UBE2E3: variants seen among roughly 807,000 people sequenced by gnomAD.
UBE2E3 encodes ubiquitin-conjugating enzyme E2 E3.
Under a neutral mutation model 23.6 loss-of-function variants are expected in UBE2E3, and 5 were observed. That is an observed-to-expected ratio of 0.21 (90% CI 0.11 to 0.44). The LOEUF is 0.44. UBE2E3 is among the 20% of genes least tolerant of loss of function. The probability of loss-of-function intolerance (pLI) is 0.99; values close to 1 mark genes in which losing one functional copy is unlikely to be tolerated. For missense variants in UBE2E3, 81 were observed against 249.8 expected (o/e 0.32, Z 4.55); for synonymous variants, 78 against 87.5 (o/e 0.89, Z 0.60).
intron 3 of UBE2E3, among the ~76,000 whole-genome samples, chr2:181,000,211 A>G (rs1177184668): frequency 6.6e-6 from 1 of 152,202 alleles, no homozygotes; most frequent in African/African-American, 2.4e-5. Context: ...ACACCTCTTT[A>G]AAAAATCTAT....
At chr2:181,000,510 C>G (rs1234046584) in intron 3 of UBE2E3, among the ~76,000 whole-genome samples, 1 of 151,790 alleles carries the variant, frequency 6.6e-6, no homozygotes, top group Admixed American at 6.6e-5. Flanking sequence ...ATGGTATCCC[C>G]TGAGTTGTAT....
intron 3 of UBE2E3, among the ~76,000 whole-genome samples, chr2:181,040,551 T>TA (rs1365559399): frequency 6.6e-6 from 1 of 152,220 alleles, no homozygotes; most frequent in Non-Finnish European, 1.5e-5. Flanking sequence ...TGCTTTGAGA[T>TA]ATATAAAAGA....
At chr2:181,012,940 C>T in intron 3 of UBE2E3, among the ~76,000 whole-genome samples, 1 of 152,252 alleles carries the variant, frequency 6.6e-6, no homozygotes, top group Non-Finnish European at 1.5e-5. Flanking sequence ...AAAGTCAGGC[C>T]TTGTCCACTC....
At chr2:180,996,054 A>G (rs373802159) in intron 3 of UBE2E3, among the ~76,000 whole-genome samples, 2 of 151,990 alleles carry the variant, frequency 1.3e-5, no homozygotes, top group African/African-American at 4.8e-5. Context: ...TTGTATTTCA[A>G]CCCATTGTAG....
intron 4 of UBE2E3, among the ~76,000 whole-genome samples, chr2:181,059,800 C>G (rs968715935): frequency 1.3e-5 from 2 of 151,682 alleles, no homozygotes; most frequent in Non-Finnish European, 3.0e-5. Flanking sequence ...CCCTCCCTGT[C>G]ATGCATTCTT....
chr2:181,049,224 T>TA (rs1159201881), intron 3 of UBE2E3, among the ~76,000 whole-genome samples: 1 of 152,070 alleles, frequency 6.6e-6, no homozygotes, highest in Admixed American at 6.6e-5. Context: ...AATGTGAATA[T>TA]AAAAAACAAG....
chr2:181,006,410 G>C (rs888179046), intron 3 of UBE2E3, among the ~76,000 whole-genome samples: 1 of 150,670 alleles, frequency 6.6e-6, no homozygotes, highest in African/African-American at 2.4e-5. Flanking sequence ...ACCTTTTGCC[G>C]TTCCAGATTC....
chr2:181,040,721 A>G (rs1404336117), intron 3 of UBE2E3, among the ~76,000 whole-genome samples: 1 of 152,188 alleles, frequency 6.6e-6, no homozygotes, highest in Non-Finnish European at 1.5e-5. Flanking sequence ...TGACAAAGGA[A>G]ATCACTTTTT....
At chr2:181,059,421 A>G (rs937588294) in intron 4 of UBE2E3, among the ~76,000 whole-genome samples, 6 of 151,778 alleles carry the variant, frequency 4.0e-5, no homozygotes, top group African/African-American at 1.2e-4. Context: ...AATTATTTCT[A>G]TATTCTAGAG....
intron 3 of UBE2E3, among the ~76,000 whole-genome samples, chr2:180,992,031 A>G (rs1339846231): frequency 2.0e-5 from 3 of 152,202 alleles, no homozygotes; most frequent in Non-Finnish European, 2.9e-5. Flanking sequence ...GAAATTACTT[A>G]CTACTCATGA....
intron 3 of UBE2E3, among the ~76,000 whole-genome samples, chr2:181,014,044 G>A (rs919227473): frequency 6.6e-6 from 1 of 152,162 alleles, no homozygotes; most frequent in African/African-American, 2.4e-5. Context: ...AAGGTGTGCC[G>A]AAGTATGGAT....
intron 3 of UBE2E3, among the ~76,000 whole-genome samples, chr2:180,994,925 CAA>C (rs894241616): frequency 2.8e-4 from 42 of 152,206 alleles, no homozygotes; most frequent in African/African-American, 9.4e-4. Flanking sequence ...CATTTGGAGT[CAA>C]GAGAATCGTT....
At chr2:181,039,709 A>G (rs1195563772) in intron 3 of UBE2E3, among the ~76,000 whole-genome samples, 2 of 152,208 alleles carry the variant, frequency 1.3e-5, no homozygotes, top group Non-Finnish European at 2.9e-5. Context: ...TATAATGACA[A>G]AGACACTGAT....
chr2:181,040,544 T>C (rs1686455768), intron 3 of UBE2E3, among the ~76,000 whole-genome samples: 1 of 152,214 alleles, frequency 6.6e-6, no homozygotes, highest in African/African-American at 2.4e-5. Context: ...TACTGGCTGC[T>C]TTGAGATATA....
rs140750696 is a variant in UBE2E3, at chr2:181,003,872, T to C, written c.245+19779T>C. Among the ~76,000 whole-genome samples the C allele has an allele frequency of 1.1e-3, 161 of 152,354 alleles. 2 individuals carry two copies. Among genetic ancestry groups the C allele is most frequent in the Admixed American group, 9.9e-3 (151 of 15,308 alleles). On this transcript the variant is annotated intron_variant, in intron 3 of 5. Coordinates refer to ENST00000410062, the MANE Select transcript of UBE2E3 (RefSeq NM_006357.4). ...AGGTAATTTACATGTATTGTTGATA[T>C]TTCTGCATTCTCTCAGGAAGATGTT... is the stretch of plus-strand genomic sequence containing the variant.
intron 2 of UBE2E3, 50 bp downstream of exon 2, chr2:180,982,286 G>GAACCACC: frequency 6.4e-7 from 1 of 1,551,076 alleles, no homozygotes. Flanking sequence ...TGTCTTCCAG[G>GAACCACC]TGGTTGGACG....
chr2:181,043,986 AC>A (rs1686595553), intron 3 of UBE2E3, among the ~76,000 whole-genome samples: 1 of 152,140 alleles, frequency 6.6e-6, no homozygotes, highest in Non-Finnish European at 1.5e-5. Flanking sequence ...TTTTACAAAA[AC>A]TTTTATTCAC....
At chr2:181,050,781 A>G (rs1230058700) in intron 3 of UBE2E3, among the ~76,000 whole-genome samples, 1 of 151,806 alleles carries the variant, frequency 6.6e-6, no homozygotes, top group Non-Finnish European at 1.5e-5. Context: ...GATTACTACT[A>G]TTGAGTTAGA....
chr2:181,006,226 G>C (rs1029791781), intron 3 of UBE2E3, among the ~76,000 whole-genome samples: 4 of 152,078 alleles, frequency 2.6e-5, no homozygotes, highest in African/African-American at 9.7e-5. Context: ...AGCACAAATA[G>C]TACAGAAAAA....
Sources: allele counts gnomAD v4.1 joint callset (sites outside exome capture counted in the v4.1 genomes callset), GRCh38; gene constraint gnomAD v4.1.1; transcripts MANE v1.5; gene names NCBI Gene and HGNC (gene_info 2026-07-23, HGNC 2026-07-21).